Variants in MSL2 observed in about 807,000 individuals in gnomAD.
MSL2 encodes MSL complex subunit 2, also known as E3 ubiquitin-protein ligase MSL2.
In MSL2, 2 loss-of-function variants were observed where a neutral mutation model predicts 35.8. The ratio of observed to expected loss-of-function variants is 0.06; its 90% CI spans 0.02 to 0.18. The LOEUF (loss-of-function observed/expected upper bound fraction) is 0.18. Ranked by LOEUF, MSL2 falls within the 10% of genes least tolerant of loss-of-function variation. The pLI is 1.00. For synonymous variants in MSL2, 296 were observed against 255.7 expected (o/e 1.16, Z -1.50); for missense variants, 523 against 706.7 (o/e 0.74, Z 2.95).
At chr3:136,175,882 T>C (rs1365808438) in intron 1 of MSL2, among the ~76,000 whole-genome samples, 2 of 98,906 alleles carry the variant, frequency 2.0e-5, no homozygotes, top group African/African-American at 6.1e-5. Flanking sequence ...TGCCAAACAC[T>C]GTGCTAAGCC....
chr3:136,170,281 AG>A (rs1438618452), intron 1 of MSL2, among the ~76,000 whole-genome samples: 1 of 149,320 alleles, frequency 6.7e-6, no homozygotes, highest in Non-Finnish European at 1.5e-5. Flanking sequence ...TGAGCCCAGG[AG>A]GCAGAAGCTA....
In MSL2 at chr3:136,150,738, TG is replaced by T. The variant is rs1248282328; in HGVS notation, c.*408del. ...CATCTGAAGGCAGCACTGAGTTTCC[TG>T]AACTAATGGCTACTTTTCCACAAAA... On this transcript the variant is annotated 3_prime_UTR_variant, in exon 2 of 2. Coordinates refer to ENST00000309993, the MANE Select transcript of MSL2 (RefSeq NM_018133.4). 1 of 178,852 alleles carries T rather than the reference TG, an allele frequency of 5.6e-6. No homozygotes were observed. 11.1% of individuals were successfully genotyped at this position (178,852 alleles called of 1,614,324 possible). A position where few individuals can be genotyped will look rare whatever the true frequency, so the allele number is the denominator to read the frequency against.
At chr3:136,169,831 T>A (rs1188288834) in intron 1 of MSL2, among the ~76,000 whole-genome samples, 1 of 151,792 alleles carries the variant, frequency 6.6e-6, no homozygotes, top group East Asian at 2.0e-4. Flanking sequence ...CCAAGGTGGA[T>A]TGATCACTTG....
chr3:136,180,440 T>C (rs574536595), intron 1 of MSL2, among the ~76,000 whole-genome samples: 4 of 151,880 alleles, frequency 2.6e-5, no homozygotes, highest in Non-Finnish European at 4.4e-5. Flanking sequence ...AGACAACTTA[T>C]AAAGAATAAA....
At chr3:136,181,169 T>C (rs553448540) in intron 1 of MSL2, among the ~76,000 whole-genome samples, 1 of 151,706 alleles carries the variant, frequency 6.6e-6, no homozygotes, top group Admixed American at 6.6e-5. Context: ...AAGAAAAAAG[T>C]AACAAAAATC....
chr3:136,171,645 G>C (rs867927835), intron 1 of MSL2, among the ~76,000 whole-genome samples: 2 of 152,158 alleles, frequency 1.3e-5, no homozygotes, highest in Non-Finnish European at 2.9e-5. Context: ...CAAATTTTGA[G>C]TAAAACAATG....
chr3:136,162,434 T>C (rs1939735648), intron 1 of MSL2, among the ~76,000 whole-genome samples: 1 of 151,794 alleles, frequency 6.6e-6, no homozygotes, highest in African/African-American at 2.4e-5. Context: ...ATAAAAAAAA[T>C]TAGCCATGGA....
At chr3:136,187,967 G>A (rs1015435768) in intron 1 of MSL2, among the ~76,000 whole-genome samples, 7 of 152,052 alleles carry the variant, frequency 4.6e-5, no homozygotes, top group African/African-American at 1.7e-4. Context: ...AAAGAAACGG[G>A]TCTACAGGGT....
chr3:136,194,345 C>A (rs148291787), intron 1 of MSL2: 2 of 926,492 alleles, frequency 2.2e-6, no homozygotes, highest in Middle Eastern at 5.6e-4. Context: ...CTCGACAAAG[C>A]CAAAGTATAT....
intron 1 of MSL2, among the ~76,000 whole-genome samples, chr3:136,174,877 T>C (rs1000201232): frequency 1.3e-5 from 2 of 152,240 alleles, no homozygotes; most frequent in Non-Finnish European, 2.9e-5. Flanking sequence ...TATTCATGTG[T>C]AATATATATG....
At chr3:136,155,925 A>G (rs1939506616) in intron 1 of MSL2, 1 of 544,176 alleles carries the variant, frequency 1.8e-6, no homozygotes, top group Non-Finnish European at 3.7e-6. Flanking sequence ...ATGGTTTCCA[A>G]TACTCCAGAA....
chr3:136,167,964 CAA>C (rs907606427), intron 1 of MSL2, among the ~76,000 whole-genome samples: 9 of 151,902 alleles, frequency 5.9e-5, no homozygotes, highest in Admixed American at 2.0e-4. Flanking sequence ...CCACATGAAA[CAA>C]GAGATATCTA....
At chr3:136,178,410 C>G (rs570033154) in intron 1 of MSL2, among the ~76,000 whole-genome samples, 11 of 152,166 alleles carry the variant, frequency 7.2e-5, no homozygotes, top group Non-Finnish European at 1.5e-4. Context: ...TGGTGTTGCA[C>G]GGAACCAGGT....
chr3:136,165,063 CG>C (rs1423090097), intron 1 of MSL2, among the ~76,000 whole-genome samples: 2 of 152,038 alleles, frequency 1.3e-5, no homozygotes, highest in East Asian at 3.9e-4. Context: ...TTAGTAGAGA[CG>C]GGGTTTCACC....
intron 1 of MSL2, among the ~76,000 whole-genome samples, chr3:136,179,869 C>G (rs1050060343): frequency 6.6e-6 from 1 of 152,138 alleles, no homozygotes; most frequent in Non-Finnish European, 1.5e-5. Flanking sequence ...AGTTTGAGAT[C>G]AGCCTGGCCA....
In MSL2 at chr3:136,152,437, A is replaced by C; in HGVS notation, c.444T>G (p.Asp148Glu). Residue 148 changes from aspartate to glutamate, a missense_variant, in exon 2 of 2, where the codon GAT (aspartate) becomes GAG (glutamate). Around this residue, in one of 5 missense-constraint regions of MSL2, gnomAD observed 361 missense variants for 414.6 expected, o/e 0.87. Transcript: ENST00000309993. ...LFCEETEKPS[D>E]SSFTLCLTHS... Reference sequence around the variant, plus strand: ...GTGTCAAACACAAAGTAAAGGATGAATCTGAGGGTTTTTCTGTCTCCTCAC... The same window carrying C: ...GTGTCAAACACAAAGTAAAGGATGACTCTGAGGGTTTTTCTGTCTCCTCAC... 6.2e-7 allele frequency: 1 copy of C among 1,614,200 alleles called. No homozygotes were observed. Among genetic ancestry groups the C allele is most frequent in the African/African-American group, 1.3e-5 (1 of 75,064 alleles).
rs1331812669 is a variant in MSL2, at chr3:136,195,722, A to G, written c.-609T>C. On this transcript the variant is annotated 5_prime_UTR_variant, in exon 1 of 2. It removes an upstream start codon present in the reference 5' UTR. Transcript: ENST00000309993. ...GGCGGACGCCGCCGCCGCGCTCTCC[A>G]TATCGGACGCGGGGCCCAGACTGCG... 11 of 984,692 alleles carry G rather than the reference A, an allele frequency of 1.1e-5. No homozygotes were observed. The highest frequency in any genetic ancestry group is 1.2e-5 in the Non-Finnish European group (10 of 829,740). The allele number at this position is 984,692 out of a possible 1,614,324, so 61.0% of individuals were successfully genotyped here.
At position 136,195,777 on chromosome 3, in the gene MSL2, C is replaced by G; in HGVS notation, c.-664G>C. 1 of 985,186 alleles carries G rather than the reference C, an allele frequency of 1.0e-6. No individual in the cohort carries two copies. Among genetic ancestry groups the G allele is most frequent in the Non-Finnish European group, 1.2e-6 (1 of 829,860 alleles). 61.0% of individuals were successfully genotyped at this position (985,186 alleles called of 1,614,324 possible). A position where few individuals can be genotyped will look rare whatever the true frequency, so the allele number is the denominator to read the frequency against. On this transcript the variant is annotated 5_prime_UTR_variant, in exon 1 of 2. Coordinates refer to ENST00000309993, the MANE Select transcript of MSL2 (RefSeq NM_018133.4). ...GGCTCTCCGCCCCGTGGGTTGCAGCCCGCAGTTCCCCGAGGTGGCGAGGCG... is the reference window on the plus strand; with the variant it reads ...GGCTCTCCGCCCCGTGGGTTGCAGCGCGCAGTTCCCCGAGGTGGCGAGGCG...
rs1458427383 is a variant in MSL2 at position 136,180,764 on chromosome 3, G to A, written c.142+14208C>T. Reference sequence around the variant, plus strand: ...AGGAGAGGAGGGAAGGAGGGAAGGAGGGAGGGAGGGAGGGAGGGAGGGAGG... The same window carrying A: ...AGGAGAGGAGGGAAGGAGGGAAGGAAGGAGGGAGGGAGGGAGGGAGGGAGG... On this transcript the variant is annotated intron_variant, in intron 1 of 1. Coordinates refer to ENST00000309993, the MANE Select transcript of MSL2 (RefSeq NM_018133.4). 6.3e-4 allele frequency among the ~76,000 whole-genome samples: 18 copies of A among 28,576 alleles called. No homozygotes were observed. The East Asian group carries it at 8.0e-3, about 13-fold the overall frequency. 18.7% of individuals were successfully genotyped at this position (28,576 alleles called of 152,430 possible).
Sources: allele counts gnomAD v4.1 joint callset (sites outside exome capture counted in the v4.1 genomes callset), GRCh38; gene constraint gnomAD v4.1.1; regional missense constraint gnomAD v4.1.1; transcripts MANE v1.5; gene names NCBI Gene and HGNC (gene_info 2026-07-23, HGNC 2026-07-21).